Variants in ZNF18 observed in about 807,000 individuals in gnomAD.
ZNF18 encodes zinc finger protein 18.
ZNF18 carries 42 observed loss-of-function variants against 58.1 expected under a neutral mutation model. The ratio of observed to expected loss-of-function variants is 0.72; its 90% CI spans 0.56 to 0.93. ZNF18 has a LOEUF of 0.93. Ranked by LOEUF, ZNF18 falls within the 40% of genes least tolerant of loss-of-function variation. ZNF18 has a pLI of 0.00. For synonymous variants in ZNF18, 231 were observed against 239.8 expected, an observed-to-expected ratio of 0.96 and a Z score of 0.34; for missense variants, 540 against 644.2, an observed-to-expected ratio of 0.84 and a Z score of 1.75.
At chr17:12,012,132 A>T in the ZNF18 span, among the ~76,000 whole-genome samples, 1 of 152,200 alleles carries the variant, frequency 6.6e-6, no homozygotes, top group Admixed American at 6.5e-5. Context: ...CTCTCTTGAG[A>T]CACCAAAATT....
the ZNF18 span, among the ~76,000 whole-genome samples, chr17:12,008,526 T>C: frequency 2.6e-5 from 4 of 152,158 alleles, no homozygotes; most frequent in African/African-American, 9.7e-5. Flanking sequence ...ATCATGTTCC[T>C]TTAACATACT....
At chr17:11,979,516 C>T (rs1967204479) in intron 6 of ZNF18, among the ~76,000 whole-genome samples, 1 of 152,182 alleles carries the variant, frequency 6.6e-6, no homozygotes. Flanking sequence ...TATTAAATCA[C>T]ACTAGCAACT....
Position 11,992,897 on chromosome 17 carries a change from G to C in ZNF18, c.-68C>G. The stretch of plus-strand genomic sequence containing the variant: ...TGGAATTGTCTCCGGCAAGAACTAG[G>C]TCTTCACCAGGACACTAAAAAGGGA... On this transcript the variant is annotated 5_prime_UTR_variant, in exon 2 of 7. Coordinates refer to ENST00000580306, the MANE Select transcript of ZNF18 (RefSeq NM_001303281.2). 6.6e-7 allele frequency: 1 copy of C among 1,515,212 alleles called. No homozygotes were observed. Among genetic ancestry groups the C allele is most frequent in the East Asian group, 2.3e-5 (1 of 43,762 alleles). The allele number at this position is 1,515,212 out of a possible 1,614,324, so 93.9% of individuals were successfully genotyped here. A position where few individuals can be genotyped will look rare whatever the true frequency, so the allele number is the denominator to read the frequency against.
chr17:12,019,898 C>T, the ZNF18 span, among the ~76,000 whole-genome samples: 1 of 152,188 alleles, frequency 6.6e-6, no homozygotes, highest in Non-Finnish European at 1.5e-5. Flanking sequence ...ACTGGCTATT[C>T]CATTTTAGGC....
the ZNF18 span, among the ~76,000 whole-genome samples, chr17:12,003,087 A>C: frequency 2.6e-5 from 4 of 152,220 alleles, no homozygotes; most frequent in African/African-American, 9.6e-5. Flanking sequence ...ACAAGATGGT[A>C]ACTGCTTTTC....
At chr17:12,005,221 T>C in the ZNF18 span, among the ~76,000 whole-genome samples, 1 of 151,108 alleles carries the variant, frequency 6.6e-6, no homozygotes, top group African/African-American at 2.4e-5. Flanking sequence ...ATTATATATA[T>C]AGAACATGAA....
intron 1 of ZNF18, among the ~76,000 whole-genome samples, chr17:11,996,296 C>T (rs6502173): frequency 0.87 from 132,367 of 152,186 alleles, 60,334 homozygotes; most frequent in Non-Finnish European, 0.99. Context: ...GTAAATCCAA[C>T]CTATTTGGCT....
the ZNF18 span, among the ~76,000 whole-genome samples, chr17:12,007,867 C>T: frequency 1.3e-5 from 2 of 152,192 alleles, no homozygotes; most frequent in Admixed American, 1.3e-4. Context: ...ACACGTCTGT[C>T]ACTGCTAATT....
chr17:11,980,706 A>G (rs1967284641), intron 6 of ZNF18, among the ~76,000 whole-genome samples: 1 of 152,178 alleles, frequency 6.6e-6, no homozygotes, highest in African/African-American at 2.4e-5. Flanking sequence ...GACGTGAGCC[A>G]CCGCACCAGC....
chr17:12,009,826 C>T, the ZNF18 span, among the ~76,000 whole-genome samples: 6 of 152,178 alleles, frequency 3.9e-5, no homozygotes, highest in African/African-American at 1.4e-4. Context: ...AATACCCTAA[C>T]TTTGCTTCTT....
the ZNF18 span, among the ~76,000 whole-genome samples, chr17:12,007,063 TTTAG>T: frequency 1.6e-4 from 25 of 152,318 alleles, no homozygotes; most frequent in African/African-American, 6.0e-4. Context: ...TTTCTGTCTT[TTTAG>T]AGTCCTGCAT....
intron 5 of ZNF18, 79 bp from the exon 6 acceptor site, chr17:11,983,486 C>T: frequency 9.1e-7 from 1 of 1,093,368 alleles, no homozygotes; most frequent in African/African-American, 1.5e-5. Context: ...CAAAGGAGCA[C>T]CCTACGCATG....
chr17:11,985,859 A>G (rs1267855896), intron 4 of ZNF18, among the ~76,000 whole-genome samples: 1 of 152,204 alleles, frequency 6.6e-6, no homozygotes, highest in Non-Finnish European at 1.5e-5. Flanking sequence ...ACTTTCAGAA[A>G]CCGCAAAGTG....
the ZNF18 span, among the ~76,000 whole-genome samples, chr17:12,016,095 AT>A: frequency 6.6e-6 from 1 of 152,100 alleles, no homozygotes; most frequent in East Asian, 1.9e-4. Flanking sequence ...TCAGCCTGAT[AT>A]TTGTTTACAG....
At chr17:11,998,513 GTACCTGTCATTATCATAACATGTCCT>G, upstream of ZNF18, 1 of 150,198 alleles carries the variant, frequency 6.7e-6, no homozygotes, top group East Asian at 2.0e-4. Flanking sequence ...AACATGTCCT[GTACCTGTCATTATCATAACATGTCCT>G]GTACCTGTCA....
intron 1 of ZNF18, among the ~76,000 whole-genome samples, chr17:11,995,362 C>T (rs1179527320): frequency 1.4e-5 from 2 of 148,054 alleles, no homozygotes; most frequent in Admixed American, 6.8e-5. Flanking sequence ...TGCAGTGAGC[C>T]GAGATCACAC....
At chr17:12,011,442 G>C in the ZNF18 span, among the ~76,000 whole-genome samples, 2 of 152,150 alleles carry the variant, frequency 1.3e-5, no homozygotes, top group East Asian at 3.9e-4. Context: ...CTGGAGTGCA[G>C]TGGTGCGATC....
the ZNF18 span, among the ~76,000 whole-genome samples, chr17:12,006,599 T>G: frequency 1.3e-5 from 2 of 152,138 alleles, no homozygotes; most frequent in Non-Finnish European, 2.9e-5. Flanking sequence ...TGAGCATAAA[T>G]TATTACCAGG....
chr17:12,016,975 C>T, the ZNF18 span, among the ~76,000 whole-genome samples: 1 of 151,940 alleles, frequency 6.6e-6, no homozygotes, highest in South Asian at 2.1e-4. Context: ...GGCGGGTGGA[C>T]CACCAGAGGC....
Sources: gnomAD v4.1 joint callset for allele counts (sites outside exome capture counted in the v4.1 genomes callset) on GRCh38, gnomAD v4.1.1 for gene constraint, MANE v1.5 for transcripts, NCBI Gene and HGNC (gene_info 2026-07-23, HGNC 2026-07-21) for gene names.